The following TNFSF15 variants were observed in gnomAD, a reference collection of about 807,000 sequenced individuals.
The protein encoded by TNFSF15 is tumor necrosis factor ligand superfamily member 15.
In TNFSF15, 15 loss-of-function variants were observed where a neutral mutation model predicts 26.4. The observed-to-expected ratio is 0.57, with a 90% CI of 0.38 to 0.87. The LOEUF (loss-of-function observed/expected upper bound fraction) is 0.87, where lower values mean the gene tolerates loss of function less well. Ranked by LOEUF, TNFSF15 falls within the 40% of genes least tolerant of loss-of-function variation. The pLI is 0.00. For synonymous variants in TNFSF15, 116 were observed against 115.0 expected (o/e 1.01, Z -0.06); for missense variants, 290 against 306.1 (o/e 0.95, Z 0.39).
At chr9:114,803,108 C>T (rs1829770400) in intron 1 of TNFSF15, among the ~76,000 whole-genome samples, 1 of 152,076 alleles carries the variant, frequency 6.6e-6, no homozygotes, top group South Asian at 2.1e-4. Context: ...GCCTTCCTTC[C>T]CTCCTCCAGA....
rs892219659 is a variant in TNFSF15 at position 114,790,326 on chromosome 9, C to T, written c.*126G>A. The T allele has an allele frequency of 3.9e-5, 37 of 943,852 alleles. No individual in the cohort carries two copies. Among genetic ancestry groups the T allele is most frequent in the South Asian group, 8.5e-5 (5 of 59,008 alleles). The allele number at this position is 943,852 out of a possible 1,614,324, so 58.5% of individuals were successfully genotyped here. ...TGGGCCCCAAATTTCATAGCTAAACCGTTGTCCCTGTGGAATGCCCCCTAC... is the reference window on the plus strand; with the variant it reads ...TGGGCCCCAAATTTCATAGCTAAACTGTTGTCCCTGTGGAATGCCCCCTAC... On this transcript the variant is annotated 3_prime_UTR_variant, in exon 4 of 4. Coordinates refer to ENST00000374045, the MANE Select transcript of TNFSF15 (RefSeq NM_005118.4).
At chr9:114,794,354 A>C (rs1829649129) in intron 1 of TNFSF15, among the ~76,000 whole-genome samples, 1 of 152,248 alleles carries the variant, frequency 6.6e-6, no homozygotes, top group Admixed American at 6.5e-5. Context: ...CATAAAGCTT[A>C]ATAGCAAAAG....
rs1411800523 is a variant in TNFSF15, at chr9:114,805,799, T to C, written c.210+4A>G. The stretch of plus-strand genomic sequence containing the variant: ...CCCCAAGGTCAGAGTGCCATGTGGC[T>C]TACCTGGAACTGCACACAGGCCTCT... On this transcript the variant is annotated splice_donor_region_variant and intron_variant, in intron 1 of 3. Transcript: ENST00000374045. The C allele has an allele frequency of 6.2e-7, 1 of 1,612,502 alleles. No individual in the cohort carries two copies. The highest frequency in any genetic ancestry group is 1.1e-5 in the South Asian group (1 of 90,998).
intron 1 of TNFSF15, among the ~76,000 whole-genome samples, chr9:114,796,419 G>T (rs1829672980): frequency 6.6e-6 from 1 of 152,204 alleles, no homozygotes; most frequent in South Asian, 2.1e-4. Context: ...ACTTATCCCA[G>T]TCTCGCTATC....
At chr9:114,791,796 G>A (rs746975129) in intron 3 of TNFSF15, 1 of 167,910 alleles carries the variant, frequency 6.0e-6, no homozygotes. Flanking sequence ...TCTATATATC[G>A]ATGAAAATTC....
At chr9:114,805,567 A>G (rs1448773664) in intron 1 of TNFSF15, among the ~76,000 whole-genome samples, 1 of 152,250 alleles carries the variant, frequency 6.6e-6, no homozygotes, top group African/African-American at 2.4e-5. Context: ...TCTAAAAAAT[A>G]TGAGGCTGAA....
chr9:114,795,727 T>C lies in TNFSF15; in HGVS notation c.211-2159A>G, dbSNP rs557233628. Among the ~76,000 whole-genome samples, 5 of 152,312 alleles carry C rather than the reference T, an allele frequency of 3.3e-5. No individual in the cohort carries two copies. In the East Asian group the frequency reaches 5.8e-4, roughly 18 times the overall value. The stretch of plus-strand genomic sequence containing the variant: ...TCATGAATGAGGAATTGTGTGTCTG[T>C]GTGAGTGTGAGAGAATACAGCTCCA... On this transcript the variant is annotated intron_variant, in intron 1 of 3. Coordinates refer to ENST00000374045, the MANE Select transcript of TNFSF15 (RefSeq NM_005118.4).
At chr9:114,801,207 T>G (rs541316288) in intron 1 of TNFSF15, among the ~76,000 whole-genome samples, 8 of 152,294 alleles carry the variant, frequency 5.3e-5, no homozygotes, top group Middle Eastern at 3.4e-3. Flanking sequence ...CTGCACAGAC[T>G]TTGTGTGCCA....
rs1448033779 is a variant in TNFSF15 at position 114,789,800 on chromosome 9, G to T, written c.*652C>A. The T allele has an allele frequency of 6.6e-6, 1 of 152,286 alleles. No homozygotes were observed. The highest frequency in any genetic ancestry group is 2.4e-5 in the African/African-American group (1 of 41,430). 9.4% of individuals were successfully genotyped at this position (152,286 alleles called of 1,614,324 possible). On this transcript the variant is annotated 3_prime_UTR_variant, in exon 4 of 4. Transcript: ENST00000374045. ...GAATACAAGCAACTGTTGTATTTTT[G>T]ATATACATGTGAAACTCATACTTCC...
chr9:114,804,057 C>A (rs1214042013), intron 1 of TNFSF15, among the ~76,000 whole-genome samples: 4 of 152,218 alleles, frequency 2.6e-5, no homozygotes, highest in African/African-American at 9.6e-5. Context: ...CCCAGCCTCA[C>A]CCCCATTTCC....
At position 114,790,740 on chromosome 9, in the gene TNFSF15, A is replaced by G. The variant is rs762199138; in HGVS notation, c.468T>C (p.Arg156=). ...TTTCACTGCACTCAGAGGTCATCCC[A>G]CGGAATGTGACCTGGGAGTAAATGA... ...DYFIYSQVTF[R]GMTSECSEIR... The change falls in exon 4 of 4, where the codon CGT becomes CGC. Residue 156 remains arginine (R), a synonymous_variant. Coordinates refer to ENST00000374045, the MANE Select transcript of TNFSF15 (RefSeq NM_005118.4). 2.5e-6 allele frequency: 4 copies of G among 1,613,912 alleles called. No individual in the cohort carries two copies. The African/African-American group carries it at 5.3e-5, about 22-fold the overall frequency.
chr9:114,791,649 T>C, intron 3 of TNFSF15: 1 of 167,406 alleles, frequency 6.0e-6, no homozygotes. Context: ...TCTTGTTCTT[T>C]CCTCTGGAGT....
chr9:114,800,775 GAAAATATTTAGT>G (rs1300381826), intron 1 of TNFSF15, among the ~76,000 whole-genome samples: 8 of 152,180 alleles, frequency 5.3e-5, no homozygotes. Context: ...CCTTTAATAT[GAAAATATTTAGT>G]GTGGTTTCTG....
chr9:114,792,345 G>T, intron 3 of TNFSF15, 62 bp downstream of exon 3: 16 of 1,581,562 alleles, frequency 1.0e-5, no homozygotes, highest in Non-Finnish European at 1.4e-5. Context: ...TTGGTAAAGT[G>T]CTGAAAGAAA....
At position 114,790,434 on chromosome 9, in the gene TNFSF15, A is replaced by G. The variant is rs1018904565; in HGVS notation, c.*18T>C. ...CTCGGTGGCAGAGGACTTTCATATAATGATATTTGCTCTCCTCCTATAGTA... is the reference window on the plus strand; with the variant it reads ...CTCGGTGGCAGAGGACTTTCATATAGTGATATTTGCTCTCCTCCTATAGTA... On this transcript the variant is annotated 3_prime_UTR_variant, in exon 4 of 4. Coordinates refer to ENST00000374045, the MANE Select transcript of TNFSF15 (RefSeq NM_005118.4). 1.3e-6 allele frequency: 2 copies of G among 1,547,872 alleles called. No individual in the cohort carries two copies. Among genetic ancestry groups the G allele is most frequent in the Non-Finnish European group, 1.7e-6 (2 of 1,147,632 alleles).
At chr9:114,803,438 G>A (rs1829774564) in intron 1 of TNFSF15, among the ~76,000 whole-genome samples, 1 of 152,208 alleles carries the variant, frequency 6.6e-6, no homozygotes. Flanking sequence ...ATAGCTGGAA[G>A]TGAGCCACAT....
chr9:114,793,098 TTGA>T (rs1415790967), intron 2 of TNFSF15, among the ~76,000 whole-genome samples: 1 of 152,200 alleles, frequency 6.6e-6, no homozygotes, highest in East Asian at 1.9e-4. Context: ...TATGGTGGTG[TTGA>T]TGATAATAAA....
intron 1 of TNFSF15, among the ~76,000 whole-genome samples, chr9:114,799,466 GA>G (rs1406270734): frequency 6.6e-6 from 1 of 152,216 alleles, no homozygotes; most frequent in African/African-American, 2.4e-5. Context: ...ACAAGGAGTA[GA>G]TTTGGATGCT....
In TNFSF15 at chr9:114,789,350, T is replaced by G. The variant is rs1829555856; in HGVS notation, c.*1102A>C. 6.6e-6 allele frequency: 1 copy of G among 152,208 alleles called. No homozygotes were observed. Among genetic ancestry groups the G allele is most frequent in the African/African-American group, 2.4e-5 (1 of 41,428 alleles). 9.4% of individuals were successfully genotyped at this position (152,208 alleles called of 1,614,324 possible). A position where few individuals can be genotyped will look rare whatever the true frequency, so the allele number is the denominator to read the frequency against. ...TTTTTTTTGGACAGAGTTTTGCTCT[T>G]GTTACCCAGGCTGGAGTGCAATGGC... On this transcript the variant is annotated 3_prime_UTR_variant, in exon 4 of 4. Coordinates refer to ENST00000374045, the MANE Select transcript of TNFSF15 (RefSeq NM_005118.4).
Sources: allele counts gnomAD v4.1 joint callset (sites outside exome capture counted in the v4.1 genomes callset), GRCh38; gene constraint gnomAD v4.1.1; transcripts MANE v1.5; gene names NCBI Gene and HGNC (gene_info 2026-07-23, HGNC 2026-07-21).